The following DIAPH2 variants were observed in gnomAD, a reference collection of about 807,000 sequenced individuals.
DIAPH2 encodes protein diaphanous homolog 2.
Under a neutral mutation model 92.7 loss-of-function variants are expected in DIAPH2, and 35 were observed. That is an observed-to-expected ratio of 0.38 (90% CI 0.29 to 0.50). The LOEUF (loss-of-function observed/expected upper bound fraction) is 0.50. Ranked by LOEUF, DIAPH2 falls within the 20% of genes least tolerant of loss-of-function variation. DIAPH2 has a pLI of 0.94. For missense variants in DIAPH2, 701 were observed against 819.5 expected (o/e 0.86, Z 1.77); for synonymous variants, 301 against 280.4 (o/e 1.07, Z -0.73).
chrX:96,833,287 A>G (rs1316691129), intron 4 of DIAPH2, among the ~76,000 whole-genome samples: 3 of 111,439 alleles, frequency 2.7e-5, no homozygotes, highest in Non-Finnish European at 5.7e-5. Flanking sequence ...GCTGTGAGAG[A>G]ATTTGAAGCA....
Position 96,965,160 on chromosome X carries a change from C to T in DIAPH2, c.2003C>T (p.Pro668Leu). 8.4e-7 allele frequency: 1 copy of T among 1,196,709 alleles called. No individual in the cohort carries two copies. Among genetic ancestry groups the T allele is most frequent in the Non-Finnish European group, 1.1e-6 (1 of 887,935 alleles). Residue 668 changes from proline (P) to leucine (L), a missense_variant, in exon 17 of 27, where the codon CCA becomes CTA. Coordinates refer to ENST00000324765, the MANE Select transcript of DIAPH2 (RefSeq NM_006729.5). ...LRVKEDKFEN[P>L]DLFAKLALNF... ...GTCAAAGAAGACAAGTTTGAGAATC[C>T]AGATCTCTTTGCCAAATTGGCATTG...
chrX:97,282,746 C>T (rs914876368), intron 23 of DIAPH2, among the ~76,000 whole-genome samples: 7 of 111,827 alleles, frequency 6.3e-5, no homozygotes, highest in Non-Finnish European at 1.3e-4. Flanking sequence ...CAATTTCTAC[C>T]TGAGGCATGA....
intron 24 of DIAPH2, among the ~76,000 whole-genome samples, chrX:97,359,792 G>T (rs1227273401): frequency 5.5e-5 from 6 of 109,197 alleles, no homozygotes; most frequent in African/African-American, 2.0e-4. Flanking sequence ...TGGTCAGGCT[G>T]GTCTTGAACT....
At chrX:97,235,004 T>C (rs1410551087) in intron 22 of DIAPH2, among the ~76,000 whole-genome samples, 1 of 112,543 alleles carries the variant, frequency 8.9e-6, no homozygotes, top group African/African-American at 3.2e-5. Flanking sequence ...ATTGCATGTG[T>C]ATTTGTGCTT....
intron 17 of DIAPH2, among the ~76,000 whole-genome samples, chrX:97,035,932 C>T (rs2066407823): frequency 9.2e-6 from 1 of 108,748 alleles, no homozygotes; most frequent in African/African-American, 3.4e-5. Context: ...TCCCCTGAGA[C>T]CCTGTCTCCA....
intron 26 of DIAPH2, among the ~76,000 whole-genome samples, chrX:97,573,810 G>A (rs542240555): frequency 1.0e-4 from 11 of 109,104 alleles, no homozygotes; most frequent in South Asian, 8.2e-4. Flanking sequence ...ATAGGTGACC[G>A]CCACCACACC....
chrX:97,503,747 G>A lies in DIAPH2; in HGVS notation c.3241+74002G>A, dbSNP rs989656299. 2.7e-5 allele frequency among the ~76,000 whole-genome samples: 3 copies of A among 112,079 alleles called. No homozygotes were observed. In the South Asian group the frequency reaches 1.1e-3, roughly 42 times the overall value. On this transcript the variant is annotated intron_variant, in intron 26 of 26. Transcript: ENST00000324765. Reference sequence around the variant, plus strand: ...AGGGTGAAAAAATGTTTAAAAGTATGTAGGGAGCACATATAGACCAGAAAG... The same window carrying A: ...AGGGTGAAAAAATGTTTAAAAGTATATAGGGAGCACATATAGACCAGAAAG...
intron 17 of DIAPH2, among the ~76,000 whole-genome samples, chrX:97,043,054 G>GT (rs1248849768): frequency 9.0e-6 from 1 of 111,371 alleles, no homozygotes; most frequent in Non-Finnish European, 1.9e-5. Context: ...AGTAGACATT[G>GT]TTTTTTGGTT....
At chrX:97,270,354 AT>A (rs1218930491) in intron 23 of DIAPH2, among the ~76,000 whole-genome samples, 7 of 112,274 alleles carry the variant, frequency 6.2e-5, no homozygotes, top group African/African-American at 2.3e-4. Flanking sequence ...GTGAGCCACC[AT>A]GCTCGGCCTT....
intron 16 of DIAPH2, among the ~76,000 whole-genome samples, chrX:96,962,340 T>TATATATATACAC (rs1569436477): frequency 3.5e-4 from 14 of 39,558 alleles, no homozygotes; most frequent in South Asian, 1.4e-3. Context: ...TATATATACA[T>TATATATATACAC]ATATATATAT....
chrX:97,439,352 A>C (rs1225809904), intron 26 of DIAPH2, among the ~76,000 whole-genome samples: 1 of 110,772 alleles, frequency 9.0e-6, no homozygotes, highest in Non-Finnish European at 1.9e-5. Flanking sequence ...AGGCAGGGGG[A>C]TCACAAGGTC....
intron 22 of DIAPH2, among the ~76,000 whole-genome samples, chrX:97,190,816 A>AGAGT (rs1298578293): frequency 1.1e-4 from 10 of 88,934 alleles, no homozygotes; most frequent in Middle Eastern, 5.6e-3. Context: ...CCTGGGTGAC[A>AGAGT]GAGTGAGACT....
intron 22 of DIAPH2, among the ~76,000 whole-genome samples, chrX:97,179,988 A>G (rs1027042631): frequency 2.7e-5 from 3 of 111,690 alleles, no homozygotes; most frequent in Non-Finnish European, 5.6e-5. Context: ...ATTATCTCCC[A>G]CCAGGTCCCT....
rs1047692994 is a variant in DIAPH2, at chrX:96,945,390, T to C, written c.1445-137T>C. ...ATATATGATTTTTATGTTTTATGTA[T>C]AGTATAGGTCAATTTCCATTTAATA... is the stretch of plus-strand genomic sequence containing the variant. On this transcript the variant is annotated intron_variant, in intron 13 of 26. Transcript: ENST00000324765. 3 of 434,063 alleles carry C rather than the reference T, an allele frequency of 6.9e-6. No individual in the cohort carries two copies. In the African/African-American group the frequency reaches 7.9e-5, roughly 11 times the overall value. 35.8% of individuals were successfully genotyped at this position (434,063 alleles called of 1,213,427 possible). A position where few individuals can be genotyped will look rare whatever the true frequency, so the allele number is the denominator to read the frequency against.
At chrX:96,894,974 A>ATTTTTTTTTTT (rs766131166) in intron 5 of DIAPH2, among the ~76,000 whole-genome samples, 7 of 59,527 alleles carry the variant, frequency 1.2e-4, no homozygotes, top group Admixed American at 2.3e-4. Context: ...GTTTTTCTTA[A>ATTTTTTTTTTT]TTTTTTTTTT....
At chrX:97,002,903 C>T (rs1362053453) in intron 17 of DIAPH2, among the ~76,000 whole-genome samples, 1 of 111,635 alleles carries the variant, frequency 9.0e-6, no homozygotes, top group Non-Finnish European at 1.9e-5. Context: ...TTTCATCTAA[C>T]TATACTTTTG....
chrX:97,438,355 GTTTGTTTTTTTTT>G (rs1156864064), intron 26 of DIAPH2, among the ~76,000 whole-genome samples: 2 of 41,840 alleles, frequency 4.8e-5, no homozygotes, highest in Non-Finnish European at 8.9e-5. Flanking sequence ...TTTTTTGTTT[GTTTGTTTTTTTTT>G]TTTTTTTTTT....
At chrX:96,696,874 G>A (rs998638415) in intron 1 of DIAPH2, among the ~76,000 whole-genome samples, 4 of 112,259 alleles carry the variant, frequency 3.6e-5, no homozygotes, top group Non-Finnish European at 7.5e-5. Context: ...GATGATTGCA[G>A]AAGACCCAAA....
intron 21 of DIAPH2, among the ~76,000 whole-genome samples, chrX:97,135,419 G>C (rs1481581295): frequency 9.0e-6 from 1 of 110,913 alleles, no homozygotes; most frequent in African/African-American, 3.3e-5. Flanking sequence ...TGTTGGCCAG[G>C]CTGGTCTCAA....
Sources: allele counts gnomAD v4.1 joint callset (sites outside exome capture counted in the v4.1 genomes callset), GRCh38; gene constraint gnomAD v4.1.1; transcripts MANE v1.5; gene names NCBI Gene and HGNC (gene_info 2026-07-23, HGNC 2026-07-21).